The following TFEC variants were observed in gnomAD, a reference collection of about 807,000 sequenced individuals.
The protein encoded by TFEC is transcription factor EC.
Under a neutral mutation model 41.6 loss-of-function variants are expected in TFEC, and 31 were observed. The ratio of observed to expected loss-of-function variants is 0.74; its 90% CI spans 0.56 to 1.01. The LOEUF (loss-of-function observed/expected upper bound fraction) is 1.01, where lower values mean the gene tolerates loss of function less well. Among genes scored for constraint, TFEC ranks in the 50% least tolerant of loss-of-function variants. The pLI is 0.00. For synonymous variants in TFEC, 143 were observed against 140.6 expected (o/e 1.02, Z -0.12); for missense variants, 402 against 404.1 (o/e 0.99, Z 0.04).
At chr7:116,043,739 T>A (rs1796094307) in intron 3 of TFEC, among the ~76,000 whole-genome samples, 1 of 152,170 alleles carries the variant, frequency 6.6e-6, no homozygotes. Flanking sequence ...GACCACCTGA[T>A]GCACTCCTAC....
chr7:116,104,991 A>T (rs551130589), intron 3 of TFEC, among the ~76,000 whole-genome samples: 43 of 152,204 alleles, frequency 2.8e-4, no homozygotes, highest in African/African-American at 9.4e-4. Flanking sequence ...CATAAGTTTT[A>T]CCTCTGTGTC....
chr7:116,139,803 A>T (rs1798504203), intron 1 of TFEC, among the ~76,000 whole-genome samples: 1 of 152,196 alleles, frequency 6.6e-6, no homozygotes, highest in Admixed American at 6.5e-5. Context: ...AGGAGAGACC[A>T]GAAGATAAAT....
At chr7:115,947,529 C>G (rs1469389057) in intron 6 of TFEC, among the ~76,000 whole-genome samples, 1 of 151,650 alleles carries the variant, frequency 6.6e-6, no homozygotes, top group Non-Finnish European at 1.5e-5. Flanking sequence ...AGTTTACAGT[C>G]CCACCAACAG....
intron 1 of TFEC, among the ~76,000 whole-genome samples, chr7:116,146,275 T>C (rs1028381774): frequency 3.3e-5 from 5 of 152,128 alleles, no homozygotes; most frequent in African/African-American, 1.2e-4. Flanking sequence ...TCAGTAAGTT[T>C]CCACTTGAGG....
chr7:116,063,526 G>C (rs1796620029), intron 3 of TFEC, among the ~76,000 whole-genome samples: 1 of 152,162 alleles, frequency 6.6e-6, no homozygotes, highest in Non-Finnish European at 1.5e-5. Flanking sequence ...GGCTGAGGCA[G>C]GAGAATCACT....
At chr7:116,120,273 TG>T (rs1423521578) in intron 1 of TFEC, 2 of 151,924 alleles carry the variant, frequency 1.3e-5, no homozygotes, top group Non-Finnish European at 2.9e-5. Flanking sequence ...TCTCCCTCCA[TG>T]GAACCTTTGC....
In TFEC at chr7:116,058,209, C is replaced by G. The variant is rs540711399; in HGVS notation, c.198+52499G>C. Among the ~76,000 whole-genome samples the G allele has an allele frequency of 2.0e-5, 3 of 151,464 alleles. No individual in the cohort carries two copies. The South Asian group carries it at 6.3e-4, about 32-fold the overall frequency. On this transcript the variant is annotated intron_variant, in intron 3 of 8. Transcript: ENST00000484212. ...ATGCAAAAATTATACCACACTAACACGGATCAAAAGGCAATTGGAATGGCT... is the reference window on the plus strand; with the variant it reads ...ATGCAAAAATTATACCACACTAACAGGGATCAAAAGGCAATTGGAATGGCT...
intron 6 of TFEC, among the ~76,000 whole-genome samples, chr7:115,946,874 A>G (rs994565350): frequency 2.0e-5 from 3 of 151,322 alleles, no homozygotes; most frequent in South Asian, 2.2e-4. Context: ...ATTTCCGGAT[A>G]ATGAATAATA....
At chr7:115,957,603 A>T (rs1331455080) in intron 3 of TFEC, among the ~76,000 whole-genome samples, 1 of 151,850 alleles carries the variant, frequency 6.6e-6, no homozygotes, top group Admixed American at 6.6e-5. Flanking sequence ...GTTAATACTC[A>T]TTATTCCAGA....
chr7:116,142,735 T>C (rs1798566361), intron 1 of TFEC, among the ~76,000 whole-genome samples: 2 of 152,158 alleles, frequency 1.3e-5, no homozygotes. Flanking sequence ...GAGGAAGGAT[T>C]CTAAAAATTT....
At chr7:116,074,077 C>A (rs1481757435) in intron 3 of TFEC, among the ~76,000 whole-genome samples, 1 of 151,738 alleles carries the variant, frequency 6.6e-6, no homozygotes, top group East Asian at 1.9e-4. Flanking sequence ...TAAAATGGAT[C>A]TCAGACCTAA....
chr7:115,940,780 C>T lies in TFEC; in HGVS notation c.815G>A (p.Ser272Asn). The T allele has an allele frequency of 1.2e-6, 2 of 1,613,508 alleles. No homozygotes were observed. The highest frequency in any genetic ancestry group is 2.2e-5 in the South Asian group (2 of 91,062). The change falls in exon 8 of 8, where the codon AGC becomes AAC. Residue 272 changes from serine to asparagine, a missense_variant. Physicochemically the swap from Ser to Asn is conservative, Grantham distance 46. Coordinates refer to ENST00000265440, the MANE Select transcript of TFEC (RefSeq NM_012252.4). Reference protein sequence around the residue: ...CQQLTVSQGPSPELCDQAIAF... With the variant: ...CQQLTVSQGPNPELCDQAIAF... ...TATAGCTTGATCACAGAGCTCAGGG[C>T]TTGGCCCCTGAGACACAGTCAGTTG...
chr7:116,027,926 A>G (rs1391085152), intron 1 of TFEC, among the ~76,000 whole-genome samples: 2 of 152,128 alleles, frequency 1.3e-5, no homozygotes. Flanking sequence ...TTCAAACCTG[A>G]AAAGAGAAAA....
chr7:116,112,191 T>C (rs1391495436), intron 1 of TFEC, among the ~76,000 whole-genome samples: 2 of 152,044 alleles, frequency 1.3e-5, no homozygotes, highest in African/African-American at 4.8e-5. Context: ...GGACATACAA[T>C]AGGAGCATGT....
intron 3 of TFEC, among the ~76,000 whole-genome samples, chr7:116,079,664 C>A (rs889049750): frequency 1.3e-5 from 2 of 151,986 alleles, no homozygotes; most frequent in Non-Finnish European, 2.9e-5. Flanking sequence ...CAAAACACTG[C>A]TGAAAGAAAT....
chr7:116,109,973 A>G (rs894836804), intron 3 of TFEC, among the ~76,000 whole-genome samples: 6 of 152,182 alleles, frequency 3.9e-5, no homozygotes, highest in Non-Finnish European at 2.9e-5. Flanking sequence ...AACTATTGCA[A>G]GGACAAAAAA....
At chr7:116,081,649 C>G (rs1584492739) in intron 3 of TFEC, among the ~76,000 whole-genome samples, 1 of 152,016 alleles carries the variant, frequency 6.6e-6, no homozygotes, top group African/African-American at 2.4e-5. Context: ...TATTGGTACT[C>G]CAAAGTTCCC....
intron 5 of TFEC, 65 bp from the exon 6 acceptor site, chr7:115,951,014 A>C (rs2130352930): frequency 1.1e-6 from 1 of 929,588 alleles, no homozygotes; most frequent in East Asian, 2.9e-5. Context: ...GTCAGCTGTA[A>C]ACATTTTTAA....
At position 115,950,023 on chromosome 7, in the gene TFEC, T is replaced by C. The variant is rs574143589; in HGVS notation, c.515+851A>G. ...CAGATTCCATGTTTTCACTTTTTTT[T>C]TTTTTTGAGATGGAGTCTTGCTCTG... On this transcript the variant is annotated intron_variant, in intron 6 of 7. Coordinates refer to ENST00000265440, the MANE Select transcript of TFEC (RefSeq NM_012252.4). Among the ~76,000 whole-genome samples, 1,179 of 151,398 alleles carry C rather than the reference T, an allele frequency of 7.8e-3. 14 individuals carry two copies. Among genetic ancestry groups the C allele is most frequent in the Non-Finnish European group, 0.011 (755 of 67,760 alleles).
Sources: allele counts gnomAD v4.1 joint callset (sites outside exome capture counted in the v4.1 genomes callset), GRCh38; gene constraint gnomAD v4.1.1; transcripts MANE v1.5; gene names NCBI Gene and HGNC (gene_info 2026-07-23, HGNC 2026-07-21).